The following CTNNA2 variants were observed in gnomAD, a reference collection of about 807,000 sequenced individuals.
CTNNA2 encodes catenin alpha 2.
CTNNA2 carries 42 observed loss-of-function variants against 101.0 expected under a neutral mutation model. The ratio of observed to expected loss-of-function variants is 0.42; its 90% CI spans 0.32 to 0.54. The LOEUF (loss-of-function observed/expected upper bound fraction) is 0.54, where lower values mean the gene tolerates loss of function less well. Among genes scored for constraint, CTNNA2 ranks in the 20% least tolerant of loss-of-function variants. The probability of loss-of-function intolerance (pLI) is 0.14; values close to 1 mark genes in which losing one functional copy is unlikely to be tolerated. For synonymous variants in CTNNA2, 450 were observed against 456.4 expected (o/e 0.99, Z 0.18); for missense variants, 871 against 1,223.1 (o/e 0.71, Z 4.29).
chr2:79,889,197 C>T (rs1244283071), intron 6 of CTNNA2, among the ~76,000 whole-genome samples: 1 of 152,172 alleles, frequency 6.6e-6, no homozygotes, highest in East Asian at 1.9e-4. Flanking sequence ...CACACACACA[C>T]ACGTGCAACA....
At chr2:79,588,976 G>A (rs190410605) in intron 1 of CTNNA2, among the ~76,000 whole-genome samples, 13 of 152,176 alleles carry the variant, frequency 8.5e-5, no homozygotes, top group Admixed American at 1.3e-4. Context: ...GCATTTGGAG[G>A]ACTAACCAGG....
At position 79,497,393 on chromosome 2, in the gene CTNNA2, A is replaced by G. The variant is rs183495779; in HGVS notation, c.-134-7661A>G. 3.9e-5 allele frequency among the ~76,000 whole-genome samples: 6 copies of G among 152,286 alleles called. No homozygotes were observed. The East Asian group carries it at 5.8e-4, about 15-fold the overall frequency. ...ATTCATATTACTGTATTAGTTGTCAATGACATTGACCCATCTCGTTCTTAG... is the reference window on the plus strand; with the variant it reads ...ATTCATATTACTGTATTAGTTGTCAGTGACATTGACCCATCTCGTTCTTAG... On this transcript the variant is annotated intron_variant, in intron 4 of 21. Coordinates refer to the CTNNA2 transcript ENST00000466387.
At chr2:79,293,116 A>T (rs1675870602) in intron 2 of CTNNA2, 1 of 152,146 alleles carries the variant, frequency 6.6e-6, no homozygotes, top group Non-Finnish European at 1.5e-5. Flanking sequence ...CACTAGTCAA[A>T]ATCTGGTGGG....
chr2:79,968,096 G>A (rs1690206186), intron 7 of CTNNA2, among the ~76,000 whole-genome samples: 1 of 152,136 alleles, frequency 6.6e-6, no homozygotes, highest in Non-Finnish European at 1.5e-5. Context: ...TCCTTTTGGA[G>A]TGATGGCAAT....
chr2:80,397,897 C>T (rs1345474836), intron 8 of CTNNA2, among the ~76,000 whole-genome samples: 1 of 152,114 alleles, frequency 6.6e-6, no homozygotes, highest in Admixed American at 6.6e-5. Context: ...TACTAATGCA[C>T]TCTGGGAAAT....
intron 4 of CTNNA2, among the ~76,000 whole-genome samples, chr2:79,477,131 TTTC>T (rs1671058144): frequency 6.6e-6 from 1 of 151,428 alleles, no homozygotes; most frequent in Non-Finnish European, 1.5e-5. Flanking sequence ...CATTGCATCA[TTTC>T]TTTTTCTTTT....
chr2:80,503,097 T>C (rs1380664615), intron 9 of CTNNA2, among the ~76,000 whole-genome samples: 1 of 152,102 alleles, frequency 6.6e-6, no homozygotes, highest in Non-Finnish European at 1.5e-5. Context: ...TGCTTGAGTC[T>C]GGGAGGTGGA....
chr2:80,368,064 T>C (rs1376769794), intron 7 of CTNNA2, among the ~76,000 whole-genome samples: 3 of 152,140 alleles, frequency 2.0e-5, no homozygotes, highest in South Asian at 4.1e-4. Flanking sequence ...TAGAAAGATA[T>C]TCCTGTGGTA....
chr2:79,614,003 C>T (rs1207832242), intron 1 of CTNNA2, among the ~76,000 whole-genome samples: 2 of 152,200 alleles, frequency 1.3e-5, no homozygotes, highest in South Asian at 2.1e-4. Flanking sequence ...CAAGAACAGA[C>T]AGTCTGACTC....
intron 9 of CTNNA2, among the ~76,000 whole-genome samples, chr2:80,465,540 G>T (rs1251436132): frequency 2.0e-5 from 3 of 152,030 alleles, no homozygotes; most frequent in Non-Finnish European, 4.4e-5. Flanking sequence ...GCCACAGAGG[G>T]TTTCTTCCAC....
At chr2:79,190,107 T>C (rs6749567) in intron 1 of CTNNA2, among the ~76,000 whole-genome samples, 33,107 of 152,018 alleles carry the variant, frequency 0.22, 4,669 homozygotes, top group African/African-American at 0.4. Context: ...CTAATTTCCA[T>C]TGTGATTCCT....
At chr2:79,700,380 A>T (rs1191199811) in intron 2 of CTNNA2, among the ~76,000 whole-genome samples, 1 of 152,094 alleles carries the variant, frequency 6.6e-6, no homozygotes, top group East Asian at 1.9e-4. Context: ...ACAGCTCAAG[A>T]GAGAGAGACA....
At chr2:79,593,741 A>ATTAC (rs1193797295) in intron 1 of CTNNA2, among the ~76,000 whole-genome samples, 1 of 151,998 alleles carries the variant, frequency 6.6e-6, no homozygotes, top group Non-Finnish European at 1.5e-5. Context: ...GATACTTGTT[A>ATTAC]TTACTTCCTT....
chr2:79,621,912 A>C (rs748070286), intron 1 of CTNNA2, among the ~76,000 whole-genome samples: 3 of 152,186 alleles, frequency 2.0e-5, no homozygotes, highest in South Asian at 2.1e-4. Context: ...CATGAGTAGC[A>C]TTTTACAAAA....
intron 7 of CTNNA2, among the ~76,000 whole-genome samples, chr2:80,126,752 T>G (rs2148887969): frequency 6.6e-6 from 1 of 151,900 alleles, no homozygotes; most frequent in Middle Eastern, 3.4e-3. Context: ...TTTTCCCGTT[T>G]CCCTCAGGGC....
intron 1 of CTNNA2, among the ~76,000 whole-genome samples, chr2:79,630,476 C>T (rs183962572): frequency 8.2e-4 from 124 of 152,052 alleles, no homozygotes; most frequent in Middle Eastern, 3.4e-3. Context: ...ATCTGATTTA[C>T]GTAAAAGAGA....
chr2:79,661,449 T>C (rs1315660513), intron 2 of CTNNA2, among the ~76,000 whole-genome samples: 1 of 152,234 alleles, frequency 6.6e-6, no homozygotes, highest in Non-Finnish European at 1.5e-5. Context: ...GAAATGACTG[T>C]GTTTAATGTA....
intron 15 of CTNNA2, 70 bp downstream of exon 15, chr2:80,589,555 T>C (rs1298446660): frequency 7.1e-7 from 1 of 1,414,936 alleles, no homozygotes. Context: ...TGTATTAGCA[T>C]GTGAAAGCCT....
At chr2:79,519,699 G>C (rs1672003658) in intron 1 of CTNNA2, among the ~76,000 whole-genome samples, 1 of 152,032 alleles carries the variant, frequency 6.6e-6, no homozygotes, top group African/African-American at 2.4e-5. Context: ...ACCTTCAGTG[G>C]CATATGCTTT....
Sources: gnomAD v4.1 joint callset for allele counts (sites outside exome capture counted in the v4.1 genomes callset) on GRCh38, gnomAD v4.1.1 for gene constraint, MANE v1.5 for transcripts, NCBI Gene and HGNC (gene_info 2026-07-23, HGNC 2026-07-21) for gene names.